The following LRRC4B variants were observed in gnomAD, a reference collection of about 807,000 sequenced individuals.
LRRC4B encodes the protein leucine rich repeat containing 4B.
LRRC4B carries 1 observed loss-of-function variant against 7.3 expected under a neutral mutation model. The ratio of observed to expected loss-of-function variants is 0.14; its 90% confidence interval spans 0.05 to 0.65. The LOEUF (loss-of-function observed/expected upper bound fraction) is 0.65, where lower values mean the gene tolerates loss of function less well. LRRC4B is among the 30% of genes least tolerant of loss of function. LRRC4B has a pLI of 0.84. For synonymous variants in LRRC4B, 500 were observed against 499.2 expected, an observed-to-expected ratio of 1.00 and a Z score of -0.02; for missense variants, 730 against 1,041.6, an observed-to-expected ratio of 0.70 and a Z score of 4.12.
intron 2 of LRRC4B, among the ~76,000 whole-genome samples, chr19:50,526,186 C>T (rs924606898): frequency 4.6e-5 from 7 of 152,148 alleles, no homozygotes; most frequent in African/African-American, 1.7e-4. Flanking sequence ...CCATAAGACA[C>T]AGTCTCTGCC....
intron 1 of LRRC4B, among the ~76,000 whole-genome samples, chr19:50,550,437 ACCCTCTCACGGTGGACTCTCAGGACCC>A (rs148581606): frequency 0.3 from 45,460 of 149,886 alleles, 7,250 homozygotes; most frequent in Admixed American, 0.4. Context: ...GATGGGGCAC[ACCCTCTCACGGTGGACTCTCAGGACCC>A]CCCTCTCACG....
At position 50,518,643 on chromosome 19, in the gene LRRC4B, G is replaced by C; in HGVS notation, c.1070C>G (p.Ser357Trp). 6.2e-7 allele frequency: 1 copy of C among 1,611,696 alleles called. No individual in the cohort carries two copies. Among genetic ancestry groups the C allele is most frequent in the Non-Finnish European group, 8.5e-7 (1 of 1,178,456 alleles). ...KGRYIGELDQSHFTCYAPVIV... is the reference protein window; with the variant it reads ...KGRYIGELDQWHFTCYAPVIV... ...GACGGGCGCATAGCAGGTGAAATGCGACTGGTCCAGCTCCCCAATGTAGCG... is the reference window on the plus strand; with the variant it reads ...GACGGGCGCATAGCAGGTGAAATGCCACTGGTCCAGCTCCCCAATGTAGCG... The change falls in exon 3 of 3, where the codon TCG (serine) becomes TGG (tryptophan). Residue 357 changes from serine (S) to tryptophan (W), a missense_variant. Ser to Trp is a radical substitution (Grantham distance 177). Coordinates refer to ENST00000652263, the MANE Select transcript of LRRC4B (RefSeq NM_001080457.2).
chr19:50,547,910 T>C (rs1033663631), intron 2 of LRRC4B, among the ~76,000 whole-genome samples: 16 of 151,812 alleles, frequency 1.1e-4, no homozygotes, highest in Non-Finnish European at 2.1e-4. Flanking sequence ...CACCACAGCG[T>C]TCTCAGCCTC....
At chr19:50,532,566 C>T (rs957255532) in intron 2 of LRRC4B, among the ~76,000 whole-genome samples, 37 of 152,224 alleles carry the variant, frequency 2.4e-4, no homozygotes, top group African/African-American at 8.4e-4. Context: ...CTGTCCTCCT[C>T]CTTGTTCTCT....
chr19:50,526,670 G>A (rs923124787), intron 2 of LRRC4B, among the ~76,000 whole-genome samples: 4 of 152,122 alleles, frequency 2.6e-5, no homozygotes, highest in Non-Finnish European at 4.4e-5. Flanking sequence ...AGGTGAAACC[G>A]TGTTTCTAAA....
chr19:50,537,018 AG>A lies in LRRC4B; in HGVS notation c.297+11523del, dbSNP rs1981323945. ...GGGTACAGGCTACATCTGGGAGGCT[AG>A]GAAGAAGCTGGGGCTTCCAGATGAG... On this transcript the variant is annotated intron_variant, in intron 2 of 2. Coordinates refer to ENST00000652263, the MANE Select transcript of LRRC4B (RefSeq NM_001080457.2). The surrounding 1 kb of genome is among the most constrained non-coding windows in gnomAD (Gnocchi z 5.5). Among the ~76,000 whole-genome samples, 1 of 152,168 alleles carries A rather than the reference AG, an allele frequency of 6.6e-6. No homozygotes were observed. The highest frequency in any genetic ancestry group is 6.5e-5 in the Admixed American group (1 of 15,274).
Position 50,564,027 on chromosome 19 carries a change from GGAGAGGGT to G in LRRC4B, c.-36+3909_-36+3916del, listed in dbSNP as rs1982551470. On this transcript the variant is annotated intron_variant, in intron 1 of 2. Transcript: ENST00000652263. ...CAAGGGAAACCAAGGGAAGGAGAGTGGAGAGGGTGACAGGGCACAAAGAGATGGAGCAG... is the reference window on the plus strand; with the variant it reads ...CAAGGGAAACCAAGGGAAGGAGAGTGGACAGGGCACAAAGAGATGGAGCAG... 1.2e-4 allele frequency among the ~76,000 whole-genome samples: 18 copies of G among 152,244 alleles called. No individual in the cohort carries two copies. The South Asian group carries it at 3.7e-3, about 32-fold the overall frequency.
At chr19:50,532,765 G>A (rs796379482) in intron 2 of LRRC4B, among the ~76,000 whole-genome samples, 15 of 152,308 alleles carry the variant, frequency 9.8e-5, no homozygotes, top group African/African-American at 3.6e-4. Context: ...TGCATTCCCA[G>A]CACGCTATGC....
chr19:50,534,036 A>G (rs1037951783), intron 2 of LRRC4B, among the ~76,000 whole-genome samples: 1 of 152,044 alleles, frequency 6.6e-6, no homozygotes, highest in Non-Finnish European at 1.5e-5. Flanking sequence ...TTACATTACC[A>G]TGTATTGTTT....
intron 1 of LRRC4B, among the ~76,000 whole-genome samples, chr19:50,552,762 A>ATCCATCCATCCATCCACCCG (rs1982145077): frequency 6.6e-6 from 1 of 151,560 alleles, no homozygotes; most frequent in Non-Finnish European, 1.5e-5. Flanking sequence ...CCATCCACCC[A>ATCCATCCATCCATCCACCCG]TCCATCCATC....
chr19:50,531,264 G>A (rs564176835), intron 2 of LRRC4B, among the ~76,000 whole-genome samples: 2 of 152,228 alleles, frequency 1.3e-5, no homozygotes, highest in African/African-American at 2.4e-5. Flanking sequence ...ACCAAGGCTC[G>A]GTGAAGTCAA....
intron 1 of LRRC4B, among the ~76,000 whole-genome samples, chr19:50,566,192 G>C (rs927148263): frequency 7.4e-6 from 1 of 135,540 alleles, no homozygotes; most frequent in African/African-American, 2.6e-5. Context: ...GCCGCGGTCC[G>C]GGGGTGGGGG....
At chr19:50,566,833 G>A (rs1982644673) in intron 1 of LRRC4B, among the ~76,000 whole-genome samples, 1 of 150,514 alleles carries the variant, frequency 6.6e-6, no homozygotes, top group African/African-American at 2.4e-5. Context: ...GTGATGAAAG[G>A]TCATAGAAGG....
At position 50,556,677 on chromosome 19, in the gene LRRC4B, G is replaced by A. The variant is rs558807993; in HGVS notation, c.-35-7804C>T. ...CTGAGGGCTTTGCCGCGGCGTCCAC[G>A]GCTGCATCCTCAAGGCCGGCCAACG... On this transcript the variant is annotated intron_variant, in intron 1 of 2. Coordinates refer to ENST00000652263, the MANE Select transcript of LRRC4B (RefSeq NM_001080457.2). This position sits in a 1 kb window ranked among gnomAD's most constrained non-coding sequence, Gnocchi z 4.2. Among the ~76,000 whole-genome samples, 6 of 152,274 alleles carry A rather than the reference G, an allele frequency of 3.9e-5. No individual in the cohort carries two copies. Among genetic ancestry groups the A allele is most frequent in the East Asian group, 1.9e-4 (1 of 5,164 alleles).
At chr19:50,530,213 C>G (rs1980994134) in intron 2 of LRRC4B, among the ~76,000 whole-genome samples, 1 of 152,182 alleles carries the variant, frequency 6.6e-6, no homozygotes, top group African/African-American at 2.4e-5. Context: ...TGGGGTCCTG[C>G]TATGCCAGAG....
Position 50,519,350 on chromosome 19 carries a change from C to T in LRRC4B, c.363G>A (p.Leu121=), listed in dbSNP as rs1248903236. Residue 121 remains leucine (L), a synonymous_variant, in exon 3 of 3, where the codon CTG becomes CTA. Transcript: ENST00000652263. This position sits in a 1 kb window ranked among gnomAD's most constrained non-coding sequence, Gnocchi z 8.1. The part of the protein sequence containing the change: ...HLEILQLSKN[L]VRKIEVGAFN... ...AGGCGCCCACCTCGATCTTGCGCAC[C>T]AGGTTCTTGCTCAGCTGCAGAATCT... The T allele has an allele frequency of 8.7e-6, 14 of 1,611,380 alleles. No individual in the cohort carries two copies. The highest frequency in any genetic ancestry group is 1.2e-5 in the Non-Finnish European group (14 of 1,179,930).
intron 2 of LRRC4B, among the ~76,000 whole-genome samples, chr19:50,538,042 GC>G (rs1046572911): frequency 1.8e-4 from 27 of 152,096 alleles, no homozygotes; most frequent in African/African-American, 6.5e-4. Context: ...CCTCCCTTCC[GC>G]CATTTTCTTT....
At chr19:50,550,099 G>A (rs1231720941) in intron 1 of LRRC4B, among the ~76,000 whole-genome samples, 4 of 152,150 alleles carry the variant, frequency 2.6e-5, no homozygotes, top group South Asian at 2.1e-4. Context: ...ACTGTATCCC[G>A]GTCATCTCAT....
At chr19:50,543,335 G>GGTGTGTATGT (rs1981638421) in intron 2 of LRRC4B, among the ~76,000 whole-genome samples, 1 of 145,194 alleles carries the variant, frequency 6.9e-6, no homozygotes, top group Non-Finnish European at 1.5e-5. Flanking sequence ...GCCAGGCCCT[G>GGTGTGTATGT]GTGTGTGTGT....
Sources: allele counts gnomAD v4.1 joint callset (sites outside exome capture counted in the v4.1 genomes callset), GRCh38; gene constraint gnomAD v4.1.1; non-coding constraint Gnocchi (gnomAD v3.1); transcripts MANE v1.5; gene names NCBI Gene and HGNC (gene_info 2026-07-23, HGNC 2026-07-21).